SCGN: variants seen among roughly 807,000 people sequenced by gnomAD.
The protein encoded by SCGN is secretagogin, EF-hand calcium binding protein.
A neutral mutation model predicts 39.7 loss-of-function variants in SCGN; 30 were observed. The observed-to-expected ratio is 0.76, with a 90% CI of 0.57 to 1.03. The LOEUF (loss-of-function observed/expected upper bound fraction) is 1.03. Among genes scored for constraint, SCGN ranks in the 50% least tolerant of loss-of-function variants. The pLI is 0.00. For missense variants in SCGN, 353 were observed against 349.4 expected, an observed-to-expected ratio of 1.01 and a Z score of -0.08; for synonymous variants, 106 against 114.1, an observed-to-expected ratio of 0.93 and a Z score of 0.45.
intron 3 of SCGN, among the ~76,000 whole-genome samples, chr6:25,662,613 G>A (rs1760355629): frequency 6.6e-6 from 1 of 152,206 alleles, no homozygotes; most frequent in African/African-American, 2.4e-5. Context: ...TCTTCAGGAA[G>A]TTATGTTAAT....
intron 2 of SCGN, 83 bp downstream of exon 2, chr6:25,653,535 A>C: frequency 4.1e-6 from 4 of 976,502 alleles, no homozygotes; most frequent in Non-Finnish European, 6.4e-6. Context: ...GGTACCTATT[A>C]ATTCCAACTC....
intron 4 of SCGN, among the ~76,000 whole-genome samples, chr6:25,667,571 G>A (rs1215310429): frequency 6.6e-6 from 1 of 152,144 alleles, no homozygotes; most frequent in Non-Finnish European, 1.5e-5. Context: ...CAAATTTTAT[G>A]CAGTCAAGAT....
chr6:25,652,343 A>G lies in SCGN; in HGVS notation c.-61A>G. On this transcript the variant is annotated 5_prime_UTR_variant, in exon 1 of 11. Coordinates refer to ENST00000377961, the MANE Select transcript of SCGN (RefSeq NM_006998.4). ...AGCAAGTCAAGAAATACGGTGAAGG[A>G]GTCCTTCCCAAAGTTGTCTAGGTCC... is the stretch of plus-strand genomic sequence containing the variant. 3 of 1,251,436 alleles carry G rather than the reference A, an allele frequency of 2.4e-6. No homozygotes were observed. Among genetic ancestry groups the G allele is most frequent in the Non-Finnish European group, 3.5e-6 (3 of 851,690 alleles). The allele number at this position is 1,251,436 out of a possible 1,614,324, so 77.5% of individuals were successfully genotyped here.
intron 7 of SCGN, among the ~76,000 whole-genome samples, chr6:25,682,568 T>A (rs1003123828): frequency 6.6e-6 from 1 of 152,220 alleles, no homozygotes; most frequent in African/African-American, 2.4e-5. Context: ...TTTTGTCAAG[T>A]CTGGCTGATC....
chr6:25,652,355 A>G lies in SCGN; in HGVS notation c.-49A>G, dbSNP rs1212627892. 6 of 1,477,770 alleles carry G rather than the reference A, an allele frequency of 4.1e-6. No individual in the cohort carries two copies. Among genetic ancestry groups the G allele is most frequent in the Non-Finnish European group, 1.9e-6 (2 of 1,056,736 alleles). The allele number at this position is 1,477,770 out of a possible 1,614,324, so 91.5% of individuals were successfully genotyped here. On this transcript the variant is annotated 5_prime_UTR_variant, in exon 1 of 11. Coordinates refer to ENST00000377961, the MANE Select transcript of SCGN (RefSeq NM_006998.4). ...AATACGGTGAAGGAGTCCTTCCCAA[A>G]GTTGTCTAGGTCCTTCCGCGCCGGT...
intron 5 of SCGN, 70 bp downstream of exon 5, chr6:25,669,637 G>T: frequency 7.8e-7 from 1 of 1,280,610 alleles, no homozygotes; most frequent in South Asian, 1.2e-5. Flanking sequence ...TCATGAGTTT[G>T]ATTTCTGTGG....
chr6:25,686,628 T>A (rs982439234), intron 7 of SCGN, among the ~76,000 whole-genome samples: 1 of 152,182 alleles, frequency 6.6e-6, no homozygotes, highest in Non-Finnish European at 1.5e-5. Flanking sequence ...CAGCAAAAAC[T>A]TTTTTCCATT....
At chr6:25,674,523 G>C (rs1759541076) in intron 6 of SCGN, among the ~76,000 whole-genome samples, 1 of 152,202 alleles carries the variant, frequency 6.6e-6, no homozygotes. Flanking sequence ...TCACGTTATT[G>C]CTGCTTTAAT....
At chr6:25,682,137 A>T (rs747443565) in intron 7 of SCGN, 131 bp downstream of exon 7, 11 of 654,886 alleles carry the variant, frequency 1.7e-5, no homozygotes, top group Non-Finnish European at 2.7e-5. Flanking sequence ...CATCTTACCA[A>T]TAAGCTGAGT....
chr6:25,665,084 G>T, intron 4 of SCGN, 52 bp downstream of exon 4: 2 of 1,404,436 alleles, frequency 1.4e-6, no homozygotes, highest in Non-Finnish European at 2.0e-6. Context: ...ACAAGGCTAC[G>T]ATCTTAGCCA....
At chr6:25,661,885 C>T (rs973285847) in intron 3 of SCGN, among the ~76,000 whole-genome samples, 1 of 152,034 alleles carries the variant, frequency 6.6e-6, no homozygotes, top group Non-Finnish European at 1.5e-5. Context: ...TTAGGTCAAT[C>T]AATATTTGTA....
At position 25,689,528 on chromosome 6, in the gene SCGN, A is replaced by T. The variant is rs143515197; in HGVS notation, c.629A>T (p.Asp210Val). 23 of 1,613,578 alleles carry T rather than the reference A, an allele frequency of 1.4e-5. No individual in the cohort carries two copies. The highest frequency in any genetic ancestry group is 1.9e-5 in the Non-Finnish European group (22 of 1,179,520). ...TTTGAGAAAATCTTTGCCTACTATGATGTTGTAAGTGTGCGTCTTTATACT... is the reference window on the plus strand; with the variant it reads ...TTTGAGAAAATCTTTGCCTACTATGTTGTTGTAAGTGTGCGTCTTTATACT... ...RDFEKIFAYY[D>V]VSKTGALEGP... is the part of the protein sequence containing the mutation. Residue 210 changes from aspartate to valine, a missense_variant, in exon 9 of 11, where the codon GAT becomes GTT. Coordinates refer to ENST00000377961, the MANE Select transcript of SCGN (RefSeq NM_006998.4).
chr6:25,680,504 C>A (rs958989558), intron 6 of SCGN, among the ~76,000 whole-genome samples: 2 of 152,148 alleles, frequency 1.3e-5, no homozygotes, highest in African/African-American at 4.8e-5. Flanking sequence ...TTAGTTCAAC[C>A]CAGGCCAATT....
At chr6:25,654,195 A>C (rs1760185645) in intron 2 of SCGN, among the ~76,000 whole-genome samples, 1 of 152,262 alleles carries the variant, frequency 6.6e-6, no homozygotes, top group Non-Finnish European at 1.5e-5. Flanking sequence ...TAAATGAATG[A>C]TGGAGATAGT....
At chr6:25,667,000 C>A (rs192168685) in intron 4 of SCGN, among the ~76,000 whole-genome samples, 1 of 151,924 alleles carries the variant, frequency 6.6e-6, no homozygotes, top group Non-Finnish European at 1.5e-5. Flanking sequence ...GACAATATGA[C>A]CCCCAATTCT....
chr6:25,664,047 G>T (rs889482162), intron 3 of SCGN, among the ~76,000 whole-genome samples: 1 of 152,110 alleles, frequency 6.6e-6, no homozygotes, highest in African/African-American at 2.4e-5. Flanking sequence ...CTCTAGGTTT[G>T]GCAATGAACA....
At position 25,675,234 on chromosome 6, in the gene SCGN, C is replaced by T. The variant is rs184071484; in HGVS notation, c.471+5158C>T. On this transcript the variant is annotated intron_variant, in intron 6 of 10. Transcript: ENST00000377961. Reference sequence around the variant, plus strand: ...TGAAATGAGTTTATAGATCCCTGTTCTCTATAACTAGTGACTTCAAGAATT... The same window carrying T: ...TGAAATGAGTTTATAGATCCCTGTTTTCTATAACTAGTGACTTCAAGAATT... Among the ~76,000 whole-genome samples the T allele has an allele frequency of 3.4e-4, 52 of 152,330 alleles. No individual in the cohort carries two copies. In the East Asian group the frequency reaches 7.3e-3, roughly 21 times the overall value.
chr6:25,697,247 A>C (rs1489487210), intron 10 of SCGN, among the ~76,000 whole-genome samples: 1 of 152,238 alleles, frequency 6.6e-6, no homozygotes, highest in Non-Finnish European at 1.5e-5. Context: ...TTAAGCAATA[A>C]TGTCTTAACT....
intron 1 of SCGN, 53 bp from the exon 2 acceptor site, chr6:25,653,329 G>T (rs963425820): frequency 5.2e-6 from 6 of 1,160,748 alleles, no homozygotes; most frequent in Middle Eastern, 2.1e-4. Context: ...GATAAATACT[G>T]TCATGTGTTT....
Sources: allele counts gnomAD v4.1 joint callset (sites outside exome capture counted in the v4.1 genomes callset), GRCh38; gene constraint gnomAD v4.1.1; transcripts MANE v1.5; gene names NCBI Gene and HGNC (gene_info 2026-07-23, HGNC 2026-07-21).